NECTIN1: variants seen among roughly 807,000 people sequenced by gnomAD.
The protein encoded by NECTIN1 is nectin cell adhesion molecule 1, also known as nectin-1.
In NECTIN1, 23 loss-of-function variants were observed where a neutral mutation model predicts 48.0. The ratio of observed to expected loss-of-function variants is 0.48; its 90% CI spans 0.34 to 0.68. The LOEUF (loss-of-function observed/expected upper bound fraction) is 0.68, where lower values mean the gene tolerates loss of function less well. Ranked by LOEUF, NECTIN1 falls within the 30% of genes least tolerant of loss-of-function variation. The pLI is 0.01. For missense variants in NECTIN1, 591 were observed against 709.9 expected (o/e 0.83, Z 1.90); for synonymous variants, 270 against 288.9 (o/e 0.93, Z 0.66).
At chr11:119,705,335 C>T (rs1294686020) in intron 1 of NECTIN1, among the ~76,000 whole-genome samples, 1 of 152,210 alleles carries the variant, frequency 6.6e-6, no homozygotes, top group African/African-American at 2.4e-5. Context: ...AAAACATTCT[C>T]TGTCTTCATG....
intron 5 of NECTIN1, among the ~76,000 whole-genome samples, chr11:119,653,299 A>C (rs777816266): frequency 1.2e-4 from 18 of 152,244 alleles, no homozygotes; most frequent in Admixed American, 9.8e-4. Flanking sequence ...GTTGAGACCT[A>C]TCCTCTCGCT....
At chr11:119,652,901 A>G (rs1007828546) in intron 5 of NECTIN1, among the ~76,000 whole-genome samples, 1 of 152,240 alleles carries the variant, frequency 6.6e-6, no homozygotes, top group Non-Finnish European at 1.5e-5. Flanking sequence ...TGATGGTACA[A>G]GAGAGAGGCA....
chr11:119,701,000 G>T (rs1484016671), intron 1 of NECTIN1, among the ~76,000 whole-genome samples: 1 of 152,158 alleles, frequency 6.6e-6, no homozygotes, highest in Non-Finnish European at 1.5e-5. Flanking sequence ...GAGACTCCCA[G>T]CCGTGAGTCA....
intron 1 of NECTIN1, among the ~76,000 whole-genome samples, chr11:119,689,915 C>G (rs1865223628): frequency 6.6e-6 from 1 of 152,258 alleles, no homozygotes; most frequent in Admixed American, 6.5e-5. Flanking sequence ...AAGAAGGTAT[C>G]TGCATAGGCA....
intron 7 of NECTIN1, chr11:119,638,362 G>T: frequency 7.5e-7 from 1 of 1,335,364 alleles, no homozygotes; most frequent in Non-Finnish European, 1.0e-6. Context: ...CCCCATTCTG[G>T]CATCCCCCAC....
intron 5 of NECTIN1, chr11:119,642,222 T>A (rs1864337018): frequency 6.6e-6 from 1 of 152,064 alleles, no homozygotes; most frequent in Non-Finnish European, 1.5e-5. Context: ...TAGGGGGAGC[T>A]CTCACCTTGA....
In NECTIN1 at chr11:119,675,283, C is replaced by T. The variant is rs777623941; in HGVS notation, c.879G>A (p.Val293=). Residue 293 remains valine (V), a synonymous_variant, in exon 5 of 6, where the codon GTG becomes GTA. Coordinates refer to ENST00000264025, the MANE Select transcript of NECTIN1 (RefSeq NM_002855.5). Reference sequence around the variant, plus strand: ...AGAAGAGGGTTCTGTTCTGGGCCTCCACACCCTTGGGGAGAGAGCCATTTA... The same window carrying T: ...AGAAGAGGGTTCTGTTCTGGGCCTCTACACCCTTGGGGAGAGAGCCATTTA... ...TTLNGSLPKG[V]EAQNRTLFFK... 1 of 1,614,082 alleles carries T rather than the reference C, an allele frequency of 6.2e-7. No homozygotes were observed. Among genetic ancestry groups the T allele is most frequent in the South Asian group, 1.1e-5 (1 of 91,080 alleles).
chr11:119,689,465 G>A (rs368390794), intron 1 of NECTIN1, among the ~76,000 whole-genome samples: 3 of 152,212 alleles, frequency 2.0e-5, no homozygotes, highest in Non-Finnish European at 4.4e-5. Flanking sequence ...CCTAGGCAAG[G>A]CTTTGGAGTC....
At chr11:119,713,754 A>G (rs1865699411) in intron 1 of NECTIN1, 3 of 439,596 alleles carry the variant, frequency 6.8e-6, no homozygotes, top group Admixed American at 2.5e-5. Context: ...CCCAGTCTTC[A>G]CTTCTCACCT....
intron 5 of NECTIN1, among the ~76,000 whole-genome samples, chr11:119,652,286 C>T (rs1478948516): frequency 6.6e-6 from 1 of 152,168 alleles, no homozygotes; most frequent in Non-Finnish European, 1.5e-5. Context: ...CTGTTGTGCC[C>T]CACGACTCCT....
intron 5 of NECTIN1, chr11:119,674,664 G>A: frequency 6.2e-7 from 1 of 1,614,220 alleles, no homozygotes; most frequent in South Asian, 1.1e-5. Context: ...GGAAAGCTCA[G>A]TTGCAGGGCA....
intron 5 of NECTIN1, among the ~76,000 whole-genome samples, chr11:119,653,519 G>C (rs1319025061): frequency 6.6e-6 from 1 of 152,184 alleles, no homozygotes; most frequent in Non-Finnish European, 1.5e-5. Context: ...CCAACAGGCT[G>C]GTGGGTCGTG....
At chr11:119,701,051 C>T (rs1301237466) in intron 1 of NECTIN1, among the ~76,000 whole-genome samples, 1 of 152,076 alleles carries the variant, frequency 6.6e-6, no homozygotes, top group Non-Finnish European at 1.5e-5. Flanking sequence ...CGGGTGTGTG[C>T]TCAGGAGGGG....
At chr11:119,705,190 A>T (rs1413433197) in intron 1 of NECTIN1, among the ~76,000 whole-genome samples, 1 of 152,212 alleles carries the variant, frequency 6.6e-6, no homozygotes, top group Non-Finnish European at 1.5e-5. Flanking sequence ...GGGAGACTTC[A>T]TGTGATTGCA....
intron 5 of NECTIN1, chr11:119,642,615 T>C (rs573443772): frequency 6.5e-6 from 1 of 153,750 alleles, no homozygotes; most frequent in African/African-American, 2.4e-5. Context: ...TTCATCATCC[T>C]TACAGTGCAA....
At chr11:119,639,181 G>A (rs1458753531) in intron 6 of NECTIN1, among the ~76,000 whole-genome samples, 1 of 152,178 alleles carries the variant, frequency 6.6e-6, no homozygotes, top group Non-Finnish European at 1.5e-5. Flanking sequence ...GACAGCCTTA[G>A]CCAGCACGGG....
rs1445392866 is a variant in NECTIN1, at chr11:119,663,034, GT to G, written c.*1712del. 3.2e-6 allele frequency: 3 copies of G among 932,296 alleles called. No individual in the cohort carries two copies. Among genetic ancestry groups the G allele is most frequent in the Non-Finnish European group, 3.8e-6 (3 of 782,908 alleles). 57.8% of individuals were successfully genotyped at this position (932,296 alleles called of 1,614,324 possible). ...CAGCACCAGGGAGGGGAGGGGAGGGGTTGGGGGGCTCCCTTAGGAAGCCTAT... is the reference window on the plus strand; with the variant it reads ...CAGCACCAGGGAGGGGAGGGGAGGGGTGGGGGGCTCCCTTAGGAAGCCTAT... On this transcript the variant is annotated 3_prime_UTR_variant, in exon 6 of 6. Transcript: ENST00000264025.
chr11:119,677,829 G>C lies in NECTIN1; in HGVS notation c.459C>G (p.Thr153=), dbSNP rs772629896. Reference sequence around the variant, plus strand: ...CCTTCTTGGCTCGAAGCACTGCCTGGGTACCCTCTATCCAATTGGTGGGTT... The same window carrying C: ...CCTTCTTGGCTCGAAGCACTGCCTGCGTACCCTCTATCCAATTGGTGGGTT... ...MAKPTNWIEG[T]QAVLRAKKGQ... Residue 153 remains threonine, a synonymous_variant, in exon 3 of 6, where the codon ACC becomes ACG. Transcript: ENST00000264025. This position sits in a 1 kb window ranked among gnomAD's most constrained non-coding sequence, Gnocchi z 5.4. 1 of 1,614,110 alleles carries C rather than the reference G, an allele frequency of 6.2e-7. No homozygotes were observed. Among genetic ancestry groups the C allele is most frequent in the Non-Finnish European group, 8.5e-7 (1 of 1,180,018 alleles).
intron 5 of NECTIN1, among the ~76,000 whole-genome samples, chr11:119,648,298 GTGGTGGTGATGGTGGTGATGGTGA>G (rs1864433005): frequency 5.6e-5 from 1 of 17,996 alleles, no homozygotes; most frequent in Non-Finnish European, 1.1e-4. Context: ...GATGGTGGTG[GTGGTGGTGATGGTGGTGATGGTGA>G]TGGTGGTGAT....
Sources: allele counts gnomAD v4.1 joint callset (sites outside exome capture counted in the v4.1 genomes callset), GRCh38; gene constraint gnomAD v4.1.1; non-coding constraint Gnocchi (gnomAD v3.1); transcripts MANE v1.5; gene names NCBI Gene and HGNC (gene_info 2026-07-23, HGNC 2026-07-21).